Variants in FHAD1 observed in about 807,000 individuals in gnomAD.
FHAD1 encodes forkhead-associated domain-containing protein 1.
A neutral mutation model predicts 191.3 loss-of-function variants in FHAD1; 146 were observed. That is an observed-to-expected ratio of 0.76 (90% CI 0.67 to 0.88). The LOEUF (loss-of-function observed/expected upper bound fraction) is 0.88. Ranked by LOEUF, FHAD1 falls within the 40% of genes least tolerant of loss-of-function variation. FHAD1 has a pLI of 0.00. For synonymous variants in FHAD1, 616 were observed against 672.3 expected, an observed-to-expected ratio of 0.92 and a Z score of 1.29; for missense variants, 1,635 against 1,785.8, an observed-to-expected ratio of 0.92 and a Z score of 1.52.
chr1:15,376,081 T>TTTATTTA (rs1558271230), intron 28 of FHAD1, among the ~76,000 whole-genome samples: 5 of 128,792 alleles, frequency 3.9e-5, no homozygotes, highest in African/African-American at 5.9e-5. Context: ...TTATTTATTT[T>TTTATTTA]TTTATTTATT....
chr1:15,297,373 A>G (rs1482236504), intron 5 of FHAD1, among the ~76,000 whole-genome samples: 4 of 152,206 alleles, frequency 2.6e-5, no homozygotes, highest in Non-Finnish European at 5.9e-5. Context: ...TTATATGATA[A>G]TCGACTACTT....
intron 2 of FHAD1, among the ~76,000 whole-genome samples, chr1:15,262,482 G>A (rs1651536468): frequency 6.6e-6 from 1 of 152,102 alleles, no homozygotes; most frequent in Non-Finnish European, 1.5e-5. Flanking sequence ...ATGTTTCCAG[G>A]CTGGCCTCTA....
At position 15,316,764 on chromosome 1, in the gene FHAD1, C is replaced by T. The variant is rs1468153942; in HGVS notation, c.1260+297C>T. On this transcript the variant is annotated intron_variant, in intron 9 of 33. Transcript: ENST00000688493. This position sits in a 1 kb window ranked among gnomAD's most constrained non-coding sequence, Gnocchi z 4.3. ...GCTGGCCAGCTGGCCACCACATGGT[C>T]CCCTGCCCCACCCCTGACCTGTGAC... Among the ~76,000 whole-genome samples, 2 of 152,218 alleles carry T rather than the reference C, an allele frequency of 1.3e-5. No homozygotes were observed. Among genetic ancestry groups the T allele is most frequent in the African/African-American group, 4.8e-5 (2 of 41,454 alleles).
At chr1:15,307,563 TG>T (rs1241589240) in intron 6 of FHAD1, among the ~76,000 whole-genome samples, 2 of 152,138 alleles carry the variant, frequency 1.3e-5, no homozygotes, top group African/African-American at 4.8e-5. Context: ...AATTGAATCA[TG>T]GGGGCTGGTC....
Position 15,289,929 on chromosome 1 carries a change from G to A in FHAD1, c.568+263G>A, listed in dbSNP as rs1270406794. Among the ~76,000 whole-genome samples, 2 of 152,204 alleles carry A rather than the reference G, an allele frequency of 1.3e-5. No homozygotes were observed. Among genetic ancestry groups the A allele is most frequent in the Non-Finnish European group, 2.9e-5 (2 of 68,044 alleles). On this transcript the variant is annotated intron_variant, in intron 4 of 33. Transcript: ENST00000688493. This position sits in a 1 kb window ranked among gnomAD's most constrained non-coding sequence, Gnocchi z 4.2. ...GTATACACACACCAGGGCACCTGCA[G>A]TGGGTGTGGCCTCTGTGTGTGTGTA...
chr1:15,306,765 T>C (rs902631497), intron 6 of FHAD1, among the ~76,000 whole-genome samples: 23 of 152,246 alleles, frequency 1.5e-4, no homozygotes, highest in African/African-American at 5.5e-4. Context: ...AACCTCTGCT[T>C]AGATTTCAGA....
At position 15,329,486 on chromosome 1, in the gene FHAD1, G is replaced by A. The variant is rs1196986652; in HGVS notation, c.1851G>A (p.Glu617=). 3.0e-5 allele frequency: 47 copies of A among 1,551,040 alleles called. No homozygotes were observed. In the Admixed American group the frequency reaches 9.0e-4, roughly 30 times the overall value. ...TGAGGCACGCGCTGTCCTGGCTGGA[G>A]GAGGTGGAGCAGCTCCTCCGGGACC... The part of the protein sequence containing the change: ...DVLRHALSWL[E]EVEQLLRDLG... The change falls in exon 14 of 34, where the codon GAG becomes GAA. Residue 617 remains glutamate, a synonymous_variant. Transcript: ENST00000688493. This position sits in a 1 kb window ranked among gnomAD's most constrained non-coding sequence, Gnocchi z 5.0.
chr1:15,304,844 T>C (rs1397071791), intron 6 of FHAD1, among the ~76,000 whole-genome samples: 1 of 151,982 alleles, frequency 6.6e-6, no homozygotes, highest in Non-Finnish European at 1.5e-5. Flanking sequence ...GATCCTTCTG[T>C]TAATTCTACC....
chr1:15,248,172 A>G (rs1295936070), intron 1 of FHAD1, among the ~76,000 whole-genome samples: 1 of 151,824 alleles, frequency 6.6e-6, no homozygotes, highest in Non-Finnish European at 1.5e-5. Flanking sequence ...TTGTACTTTC[A>G]TTCATTCATG....
rs1025758576 is a variant in FHAD1 at position 15,331,697 on chromosome 1, GGGAAGGCAGGAA to G, written c.1906+2168_1906+2179del. On this transcript the variant is annotated intron_variant, in intron 14 of 33. Transcript: ENST00000688493. Reference sequence around the variant, plus strand: ...AGGGAAGGCAGGAAGGAAGGCAGGAGGGAAGGCAGGAAGGAAGGCAGGAGGGAAGGCAGGAAG... The same window carrying G: ...AGGGAAGGCAGGAAGGAAGGCAGGAGGGAAGGCAGGAGGGAAGGCAGGAAG... Among the ~76,000 whole-genome samples, 409 of 146,278 alleles carry G rather than the reference GGGAAGGCAGGAA, an allele frequency of 2.8e-3. 5 individuals carry two copies. Among genetic ancestry groups the G allele is most frequent in the East Asian group, 0.028 (140 of 5,032 alleles).
intron 33 of FHAD1, among the ~76,000 whole-genome samples, chr1:15,392,584 C>T (rs1282087446): frequency 1.3e-5 from 2 of 152,198 alleles, no homozygotes; most frequent in East Asian, 1.9e-4. Context: ...TTGGGGTCTC[C>T]GTCCTCTATA....
At chr1:15,354,765 C>T (rs1208225129) in intron 20 of FHAD1, among the ~76,000 whole-genome samples, 1 of 152,152 alleles carries the variant, frequency 6.6e-6, no homozygotes, top group African/African-American at 2.4e-5. Context: ...GCTGGTTGTA[C>T]AATTTACTAG....
intron 3 of FHAD1, among the ~76,000 whole-genome samples, chr1:15,274,222 A>G (rs1657345824): frequency 6.6e-6 from 1 of 152,092 alleles, no homozygotes; most frequent in Non-Finnish European, 1.5e-5. Flanking sequence ...AAATTTGGGG[A>G]GGGGTATTTT....
chr1:15,324,442 G>A lies in FHAD1; in HGVS notation c.1366-10G>A, dbSNP rs1269471984. 5.2e-6 allele frequency: 8 copies of A among 1,543,326 alleles called. No individual in the cohort carries two copies. The East Asian group carries it at 9.8e-5, about 19-fold the overall frequency. ...TTAGCAGCAAGTACTCGCTTTCATC[G>A]TCATTTCAGGTTGAAGAGAAGCTTC... On this transcript the variant is annotated splice_polypyrimidine_tract_variant and intron_variant, in intron 10 of 33. Transcript: ENST00000688493.
intron 20 of FHAD1, among the ~76,000 whole-genome samples, chr1:15,357,625 CAAAAAAA>C (rs71000395): frequency 0.05 from 3,794 of 76,158 alleles, 169 homozygotes; most frequent in African/African-American, 0.15. Flanking sequence ...TCCTCCGTCT[CAAAAAAA>C]AAAAAAAAAA....
At chr1:15,265,970 CAAAAAAA>C (rs531702447) in intron 2 of FHAD1, among the ~76,000 whole-genome samples, 1 of 78,726 alleles carries the variant, frequency 1.3e-5, no homozygotes, top group Non-Finnish European at 2.3e-5. Flanking sequence ...GACTCCATCT[CAAAAAAA>C]AAAAAAAAAA....
Position 15,329,260 on chromosome 1 carries a change from G to A in FHAD1, c.1711-86G>A, listed in dbSNP as rs1428569801. 21 of 1,170,382 alleles carry A rather than the reference G, an allele frequency of 1.8e-5. No homozygotes were observed. Among genetic ancestry groups the A allele is most frequent in the Non-Finnish European group, 1.9e-5 (16 of 851,578 alleles). 72.5% of individuals were successfully genotyped at this position (1,170,382 alleles called of 1,614,324 possible). A position where few individuals can be genotyped will look rare whatever the true frequency, so the allele number is the denominator to read the frequency against. On this transcript the variant is annotated intron_variant, in intron 13 of 33. Coordinates refer to ENST00000688493, the MANE Select transcript of FHAD1 (RefSeq NM_001391957.1). This position sits in a 1 kb window ranked among gnomAD's most constrained non-coding sequence, Gnocchi z 5.0. ...GTGGCGCTGCCTGCTTCGTGGCAGA[G>A]TCAAGAACGCTGTTCCTCGAAGGTC...
rs1257715250 is a variant in FHAD1 at position 15,299,831 on chromosome 1, G to A, written c.679-1374G>A. On this transcript the variant is annotated intron_variant, in intron 5 of 33. Transcript: ENST00000688493. ...GTAACTCATATTGGATAAGGCAAAGGGCTGCCCCAGAGCATGGACTCTGTT... is the reference window on the plus strand; with the variant it reads ...GTAACTCATATTGGATAAGGCAAAGAGCTGCCCCAGAGCATGGACTCTGTT... Among the ~76,000 whole-genome samples the A allele has an allele frequency of 2.0e-5, 3 of 152,204 alleles. No individual in the cohort carries two copies. In the East Asian group the frequency reaches 5.8e-4, roughly 29 times the overall value.
At chr1:15,324,388 G>T in intron 10 of FHAD1, 64 bp from the exon 11 acceptor site, 1 of 1,281,464 alleles carries the variant, frequency 7.8e-7, no homozygotes, top group South Asian at 1.3e-5. Flanking sequence ...CATCCTAGAG[G>T]AATCTCCCCA....
Sources: gnomAD v4.1 joint callset for allele counts (sites outside exome capture counted in the v4.1 genomes callset) on GRCh38, gnomAD v4.1.1 for gene constraint, Gnocchi (gnomAD v3.1) non-coding constraint, MANE v1.5 for transcripts, NCBI Gene and HGNC (gene_info 2026-07-23, HGNC 2026-07-21) for gene names.